The following PRKAG2 variants were observed in gnomAD, a reference collection of about 807,000 sequenced individuals.
PRKAG2 encodes the protein protein kinase AMP-activated non-catalytic subunit gamma 2.
PRKAG2 carries 26 observed loss-of-function variants against 69.6 expected under a neutral mutation model. That is an observed-to-expected ratio of 0.37 (90% CI 0.27 to 0.52). The LOEUF (loss-of-function observed/expected upper bound fraction) is 0.52. Among genes scored for constraint, PRKAG2 ranks in the 20% least tolerant of loss-of-function variants. The pLI, the probability that PRKAG2 is intolerant of heterozygous loss-of-function variation, is 0.90. For missense variants in PRKAG2, 557 were observed against 740.0 expected (o/e 0.75, Z 2.87); for synonymous variants, 293 against 285.0 (o/e 1.03, Z -0.28).
intron 5 of PRKAG2, among the ~76,000 whole-genome samples, chr7:151,626,306 C>T (rs1248135509): frequency 6.6e-6 from 1 of 152,202 alleles, no homozygotes; most frequent in African/African-American, 2.4e-5. Context: ...AAGTCGGAGA[C>T]ACCACCAAAT....
In PRKAG2 at chr7:151,797,698, A is replaced by G. The variant is rs142524234; in HGVS notation, c.115-11157T>C. Among the ~76,000 whole-genome samples the G allele has an allele frequency of 3.2e-3, 492 of 152,324 alleles. 4 individuals are homozygous for G. Among genetic ancestry groups the G allele is most frequent in the African/African-American group, 0.011 (473 of 41,568 alleles). ...ACATTATAGATCAAAAGGTACAGGG[A>G]GTTCAGAGGAAGGAGGAAATACCAT... is the stretch of plus-strand genomic sequence containing the variant. On this transcript the variant is annotated intron_variant, in intron 1 of 15. Coordinates refer to ENST00000287878, the MANE Select transcript of PRKAG2 (RefSeq NM_016203.4).
chr7:151,563,265 GA>G (rs1805497973), intron 14 of PRKAG2, among the ~76,000 whole-genome samples: 1 of 152,108 alleles, frequency 6.6e-6, no homozygotes, highest in African/African-American at 2.4e-5. Flanking sequence ...TCTTGTGAAG[GA>G]ATTTTCTTTT....
At chr7:151,874,818 G>A (rs1199010893) in intron 1 of PRKAG2, among the ~76,000 whole-genome samples, 5 of 152,200 alleles carry the variant, frequency 3.3e-5, no homozygotes, top group African/African-American at 9.7e-5. Context: ...AGCCTGGGGA[G>A]GTTGAGGCTG....
At chr7:151,602,094 C>T (rs1047502927) in intron 5 of PRKAG2, among the ~76,000 whole-genome samples, 1 of 152,266 alleles carries the variant, frequency 6.6e-6, no homozygotes, top group Non-Finnish European at 1.5e-5. Flanking sequence ...TGTCCGCCAT[C>T]GCTGCTAAGG....
intron 3 of PRKAG2, among the ~76,000 whole-genome samples, chr7:151,698,626 G>A (rs749707542): frequency 6.6e-6 from 1 of 152,146 alleles, no homozygotes; most frequent in Non-Finnish European, 1.5e-5. Context: ...TGCCATGACT[G>A]GAAGCTTCCT....
chr7:151,836,143 T>C lies in PRKAG2; in HGVS notation c.114+40364A>G, dbSNP rs2079142630. On this transcript the variant is annotated intron_variant, in intron 1 of 15. Coordinates refer to ENST00000287878, the MANE Select transcript of PRKAG2 (RefSeq NM_016203.4). This position sits in a 1 kb window ranked among gnomAD's most constrained non-coding sequence, Gnocchi z 4.1. ...CGCTTCCCATATCCTGAGTTTTGTC[T>C]TCGGCCGTGTCTTTGGAGCATTCCT... is the stretch of plus-strand genomic sequence containing the variant. Among the ~76,000 whole-genome samples the C allele has an allele frequency of 6.6e-6, 1 of 152,256 alleles. No individual in the cohort carries two copies. The highest frequency in any genetic ancestry group is 1.5e-5 in the Non-Finnish European group (1 of 68,042).
chr7:151,871,779 C>A (rs1350411337), intron 1 of PRKAG2, among the ~76,000 whole-genome samples: 1 of 152,130 alleles, frequency 6.6e-6, no homozygotes, highest in East Asian at 1.9e-4. Flanking sequence ...ATCATCAGAG[C>A]CCGAGAGAGG....
At chr7:151,754,163 G>T (rs1292963525) in intron 3 of PRKAG2, among the ~76,000 whole-genome samples, 3 of 152,230 alleles carry the variant, frequency 2.0e-5, no homozygotes, top group African/African-American at 7.2e-5. Flanking sequence ...AGGGCAAGGA[G>T]ATTCTTCCGG....
In PRKAG2 at chr7:151,780,477, A is replaced by G. The variant is rs546037663; in HGVS notation, c.466+675T>C. On this transcript the variant is annotated intron_variant, in intron 3 of 15. Coordinates refer to ENST00000287878, the MANE Select transcript of PRKAG2 (RefSeq NM_016203.4). The surrounding 1 kb of genome is among the most constrained non-coding windows in gnomAD (Gnocchi z 4.2). ...AAAGAATAGACAAAGGAAAGGAGAA[A>G]GTAAACGCCATAAACTTTCTAGTTC... Among the ~76,000 whole-genome samples, 1 of 152,368 alleles carries G rather than the reference A, an allele frequency of 6.6e-6. No homozygotes were observed. Among genetic ancestry groups the G allele is most frequent in the Non-Finnish European group, 1.5e-5 (1 of 68,034 alleles).
chr7:151,623,196 C>A (rs1448158954), intron 5 of PRKAG2, among the ~76,000 whole-genome samples: 1 of 151,728 alleles, frequency 6.6e-6, no homozygotes, highest in Admixed American at 6.6e-5. Context: ...AAAACCCCGT[C>A]TCTACAAAAA....
At chr7:151,799,636 C>T (rs1019715141) in intron 1 of PRKAG2, among the ~76,000 whole-genome samples, 2 of 152,218 alleles carry the variant, frequency 1.3e-5, no homozygotes, top group Non-Finnish European at 2.9e-5. Flanking sequence ...TTCCCAGGAA[C>T]CATGGAACCT....
At chr7:151,806,504 T>C (rs2078109384) in intron 1 of PRKAG2, 1 of 156,664 alleles carries the variant, frequency 6.4e-6, no homozygotes, top group African/African-American at 2.4e-5. Context: ...TCAGCTGGAA[T>C]GTTATCAACT....
chr7:151,844,765 T>C (rs1445323186), intron 1 of PRKAG2, among the ~76,000 whole-genome samples: 1 of 152,210 alleles, frequency 6.6e-6, no homozygotes, highest in Non-Finnish European at 1.5e-5. Flanking sequence ...TTCTGTTCAC[T>C]CTTAAAGCCC....
chr7:151,695,065 T>C (rs960178169), intron 3 of PRKAG2, among the ~76,000 whole-genome samples: 2 of 152,152 alleles, frequency 1.3e-5, no homozygotes, highest in African/African-American at 2.4e-5. Context: ...AAGTTTCCGA[T>C]GTGCTGTTGG....
chr7:151,798,407 C>T (rs1283938426), intron 1 of PRKAG2, among the ~76,000 whole-genome samples: 3 of 151,896 alleles, frequency 2.0e-5, no homozygotes, highest in Non-Finnish European at 2.9e-5. Flanking sequence ...CTCCGCCTCC[C>T]GGGTTCAAGC....
intron 4 of PRKAG2, among the ~76,000 whole-genome samples, chr7:151,663,759 G>A (rs1018056976): frequency 6.6e-6 from 1 of 152,216 alleles, no homozygotes; most frequent in Non-Finnish European, 1.5e-5. Flanking sequence ...CGTCTTTAGT[G>A]AGGCAAAGCA....
intron 1 of PRKAG2, among the ~76,000 whole-genome samples, chr7:151,812,471 CAA>C (rs2078470383): frequency 2.0e-5 from 3 of 152,198 alleles, no homozygotes; most frequent in Admixed American, 6.5e-5. Flanking sequence ...AAGAAGAACA[CAA>C]AATTAGAAGC....
At chr7:151,782,363 G>A (rs1272354687) in intron 2 of PRKAG2, among the ~76,000 whole-genome samples, 490 of 37,588 alleles carry the variant, frequency 0.013, 5 homozygotes, top group South Asian at 0.022. Context: ...GAGGGAGGGA[G>A]GGAGGGAGGG....
At chr7:151,759,373 TGG>T (rs1469477329) in intron 3 of PRKAG2, among the ~76,000 whole-genome samples, 2 of 152,196 alleles carry the variant, frequency 1.3e-5, no homozygotes, top group African/African-American at 4.8e-5. Context: ...TCTTGGCACT[TGG>T]GACACATGAC....
Sources: gnomAD v4.1 joint callset for allele counts (sites outside exome capture counted in the v4.1 genomes callset) on GRCh38, gnomAD v4.1.1 for gene constraint, Gnocchi (gnomAD v3.1) non-coding constraint, MANE v1.5 for transcripts, NCBI Gene and HGNC (gene_info 2026-07-23, HGNC 2026-07-21) for gene names.